RB1: variants seen among roughly 807,000 people sequenced by gnomAD.
The protein encoded by RB1 is retinoblastoma-associated protein.
In RB1, 18 loss-of-function variants were observed where a neutral mutation model predicts 135.4. The observed-to-expected ratio is 0.13, with a 90% CI of 0.09 to 0.20. RB1 has a LOEUF of 0.20. Ranked by LOEUF, RB1 falls within the 10% of genes least tolerant of loss-of-function variation. The pLI is 1.00. For missense variants in RB1, 868 were observed against 1,110.0 expected (o/e 0.78, Z 3.10); for synonymous variants, 365 against 373.2 (o/e 0.98, Z 0.25).
chr13:48,459,855 C>T (rs754428849), intron 20 of RB1, 22 bp downstream of exon 20: 9 of 1,581,436 alleles, frequency 5.7e-6, no homozygotes, highest in Admixed American at 1.7e-5. Context: ...AAGCACTTCA[C>T]CTTCTCTCCT....
intron 2 of RB1, among the ~76,000 whole-genome samples, chr13:48,341,807 C>T (rs911979026): frequency 2.0e-5 from 3 of 151,902 alleles, no homozygotes; most frequent in African/African-American, 7.2e-5. Flanking sequence ...CTTTTTAGCT[C>T]TATTGTAATC....
intron 17 of RB1, among the ~76,000 whole-genome samples, chr13:48,450,799 C>T (rs190511090): frequency 2.0e-5 from 3 of 152,124 alleles, no homozygotes; most frequent in Non-Finnish European, 2.9e-5. Flanking sequence ...AATATTGATT[C>T]TTTCTATCCA....
intron 13 of RB1, among the ~76,000 whole-genome samples, chr13:48,378,747 C>T (rs146536123): frequency 1.3e-5 from 2 of 151,996 alleles, no homozygotes; most frequent in African/African-American, 4.8e-5. Flanking sequence ...TTATTTACAT[C>T]AGCATCATCA....
intron 2 of RB1, among the ~76,000 whole-genome samples, chr13:48,315,745 A>G (rs570508304): frequency 2.6e-5 from 4 of 152,318 alleles, no homozygotes; most frequent in Admixed American, 2.0e-4. Context: ...TTATCCACTA[A>G]TCGGCTGATG....
At chr13:48,478,894 G>C (rs1196528951) in intron 26 of RB1, among the ~76,000 whole-genome samples, 2 of 152,064 alleles carry the variant, frequency 1.3e-5, no homozygotes, top group African/African-American at 4.8e-5. Context: ...TAAGTATCCC[G>C]GCTTTGTCTA....
intron 17 of RB1, among the ~76,000 whole-genome samples, chr13:48,424,788 C>T (rs1317187000): frequency 6.6e-6 from 1 of 152,158 alleles, no homozygotes; most frequent in Non-Finnish European, 1.5e-5. Flanking sequence ...TGTGGTGGCT[C>T]ATGCATGTAA....
At chr13:48,429,315 T>G (rs1949107041) in intron 17 of RB1, 1 of 152,220 alleles carries the variant, frequency 6.6e-6, no homozygotes, top group South Asian at 2.1e-4. Flanking sequence ...CTCTGTAGGC[T>G]GAGGTGGGAA....
At chr13:48,403,177 G>A (rs1948708839) in intron 17 of RB1, among the ~76,000 whole-genome samples, 1 of 152,112 alleles carries the variant, frequency 6.6e-6, no homozygotes, top group African/African-American at 2.4e-5. Context: ...AGCAGTCAAA[G>A]GGCTTAAGTA....
intron 2 of RB1, among the ~76,000 whole-genome samples, chr13:48,339,546 AC>A (rs903604911): frequency 2.0e-5 from 3 of 152,134 alleles, no homozygotes; most frequent in African/African-American, 7.2e-5. Flanking sequence ...GGTGGGAGTG[AC>A]CCGATTTTCC....
intron 17 of RB1, among the ~76,000 whole-genome samples, chr13:48,425,801 TTCTA>T (rs770622660): frequency 3.9e-5 from 6 of 152,242 alleles, no homozygotes; most frequent in Non-Finnish European, 7.3e-5. Flanking sequence ...GCTCTTAGCT[TTCTA>T]TCTAATTCAG....
chr13:48,458,006 T>C (rs897477640), intron 19 of RB1, among the ~76,000 whole-genome samples: 1 of 151,988 alleles, frequency 6.6e-6, no homozygotes, highest in African/African-American at 2.4e-5. Context: ...TCCTACCTGC[T>C]CCCCAGCCCA....
intron 17 of RB1, among the ~76,000 whole-genome samples, chr13:48,388,439 G>A (rs1219717389): frequency 6.6e-6 from 1 of 152,160 alleles, no homozygotes; most frequent in Non-Finnish European, 1.5e-5. Flanking sequence ...TAAGATTATG[G>A]ACCATAAAAA....
intron 7 of RB1, among the ~76,000 whole-genome samples, chr13:48,361,071 T>C (rs1489158458): frequency 1.3e-5 from 2 of 152,072 alleles, no homozygotes; most frequent in Non-Finnish European, 2.9e-5. Context: ...AGAAACCACA[T>C]GCAAAGAAAG....
At chr13:48,334,336 A>G (rs919349290) in intron 2 of RB1, among the ~76,000 whole-genome samples, 2 of 152,194 alleles carry the variant, frequency 1.3e-5, no homozygotes, top group Non-Finnish European at 2.9e-5. Flanking sequence ...CTCATATTAT[A>G]CAGGTGAAAT....
At chr13:48,457,910 G>T (rs963677220) in intron 19 of RB1, among the ~76,000 whole-genome samples, 2 of 152,236 alleles carry the variant, frequency 1.3e-5, no homozygotes, top group African/African-American at 4.8e-5. Context: ...GTTGGGGGGT[G>T]CCTTCCCCGG....
chr13:48,309,134 A>T (rs1163439793), intron 2 of RB1, among the ~76,000 whole-genome samples: 3 of 152,220 alleles, frequency 2.0e-5, no homozygotes, highest in Admixed American at 2.0e-4. Context: ...TAAATAAATT[A>T]ATGAATGAAT....
intron 1 of RB1, among the ~76,000 whole-genome samples, chr13:48,306,939 A>T (rs1952085520): frequency 6.6e-6 from 1 of 152,170 alleles, no homozygotes; most frequent in Non-Finnish European, 1.5e-5. Context: ...ATGGGTTTTT[A>T]TCTTTTTGTT....
chr13:48,407,500 ACTGT>A (rs1204401229), intron 17 of RB1, among the ~76,000 whole-genome samples: 8 of 152,190 alleles, frequency 5.3e-5, no homozygotes, highest in African/African-American at 1.9e-4. Flanking sequence ...CTTTTATAAA[ACTGT>A]CTGACATCAA....
chr13:48,459,557 T>C, intron 19 of RB1, 131 bp from the exon 20 acceptor site: 1 of 878,638 alleles, frequency 1.1e-6, no homozygotes, highest in Non-Finnish European at 1.9e-6. Flanking sequence ...AAGAAAAGAG[T>C]GGTAGAAAAG....
Sources: gnomAD v4.1 joint callset for allele counts (sites outside exome capture counted in the v4.1 genomes callset) on GRCh38, gnomAD v4.1.1 for gene constraint, MANE v1.5 for transcripts, NCBI Gene and HGNC (gene_info 2026-07-23, HGNC 2026-07-21) for gene names.